The following TMOD2 variants were observed in gnomAD, a reference collection of about 807,000 sequenced individuals.
TMOD2 encodes the protein tropomodulin 2, also known as tropomodulin-2.
A neutral mutation model predicts 39.9 loss-of-function variants in TMOD2; 22 were observed. The observed-to-expected ratio is 0.55, with a 90% CI of 0.39 to 0.79. The LOEUF (loss-of-function observed/expected upper bound fraction) is 0.79, where lower values mean the gene tolerates loss of function less well. Among genes scored for constraint, TMOD2 ranks in the 30% least tolerant of loss-of-function variants. TMOD2 has a pLI of 0.00. For synonymous variants in TMOD2, 123 were observed against 146.1 expected (o/e 0.84, Z 1.14); for missense variants, 386 against 413.3 (o/e 0.93, Z 0.57).
intron 3 of TMOD2, among the ~76,000 whole-genome samples, chr15:51,768,941 T>C (rs549167606): frequency 2.6e-5 from 4 of 152,342 alleles, no homozygotes; most frequent in South Asian, 2.1e-4. Context: ...TCATTCTACA[T>C]TGGGCCAAAC....
intron 1 of TMOD2, among the ~76,000 whole-genome samples, chr15:51,765,695 AG>A (rs1275229772): frequency 6.6e-6 from 1 of 152,342 alleles, no homozygotes; most frequent in Non-Finnish European, 1.5e-5. Flanking sequence ...GAACGGTCTG[AG>A]GGTATAAAGA....
At chr15:51,772,306 G>C (rs2055858985) in intron 3 of TMOD2, among the ~76,000 whole-genome samples, 1 of 152,140 alleles carries the variant, frequency 6.6e-6, no homozygotes, top group South Asian at 2.1e-4. Flanking sequence ...AGTCAGAGCA[G>C]CTTCAAAAAA....
intron 5 of TMOD2, among the ~76,000 whole-genome samples, chr15:51,778,148 T>C (rs2141624469): frequency 6.6e-6 from 1 of 151,838 alleles, no homozygotes; most frequent in South Asian, 2.1e-4. Context: ...CATGGAATAC[T>C]ATGCAGCCAT....
intron 8 of TMOD2, among the ~76,000 whole-genome samples, chr15:51,802,621 C>T (rs1443193699): frequency 2.6e-5 from 4 of 152,186 alleles, no homozygotes; most frequent in Non-Finnish European, 5.9e-5. Flanking sequence ...CTCAAATGCT[C>T]CAGGGGCACA....
intron 3 of TMOD2, among the ~76,000 whole-genome samples, chr15:51,771,330 A>G (rs1211945135): frequency 6.6e-6 from 1 of 152,232 alleles, no homozygotes; most frequent in East Asian, 1.9e-4. Flanking sequence ...AGGCTGCACA[A>G]CCACAGTTCT....
intron 4 of TMOD2, 88 bp downstream of exon 4, chr15:51,773,922 T>G (rs1265609567): frequency 3.6e-5 from 52 of 1,431,940 alleles, no homozygotes; most frequent in Non-Finnish European, 4.9e-5. Context: ...TTTGAGCTTC[T>G]CTTAGGTAGG....
chr15:51,768,370 GAAC>G lies in TMOD2; in HGVS notation c.237_239del (p.Gln80del). 1 of 1,614,072 alleles carries G rather than the reference GAAC, an allele frequency of 6.2e-7. No homozygotes were observed. The highest frequency in any genetic ancestry group is 8.5e-7 in the Non-Finnish European group (1 of 1,180,030). ...CATGTACCTGGAGAAGGAGGCTTTGGAACAGAAAGACAGAGAGGACTTTGTGCC... is the reference window on the plus strand; with the variant it reads ...CATGTACCTGGAGAAGGAGGCTTTGGAGAAAGACAGAGAGGACTTTGTGCC... On this transcript the variant is annotated inframe_deletion, in exon 3 of 10. Transcript: ENST00000249700.
Position 51,781,983 on chromosome 15 carries a change from A to T in TMOD2, c.625-738A>T, listed in dbSNP as rs141917594. 4.6e-5 allele frequency among the ~76,000 whole-genome samples: 7 copies of T among 152,292 alleles called. No homozygotes were observed. In the East Asian group the frequency reaches 1.2e-3, roughly 25 times the overall value. On this transcript the variant is annotated intron_variant, in intron 6 of 9. Transcript: ENST00000249700. ...GAATTTATTATCTCATTTAATTATT[A>T]GTTGGACTTAAAGAGTTGTTAACGT...
At chr15:51,797,108 C>A (rs1312520959) in intron 7 of TMOD2, among the ~76,000 whole-genome samples, 2 of 152,186 alleles carry the variant, frequency 1.3e-5, no homozygotes, top group African/African-American at 2.4e-5. Context: ...TAACGTTTTC[C>A]CACTGAGGTT....
chr15:51,773,491 C>G (rs2055867034), intron 3 of TMOD2, among the ~76,000 whole-genome samples: 1 of 152,194 alleles, frequency 6.6e-6, no homozygotes, highest in African/African-American at 2.4e-5. Context: ...AGTCTCAGAT[C>G]TCTGTGTGGC....
intron 1 of TMOD2, among the ~76,000 whole-genome samples, chr15:51,761,050 A>T (rs1001148620): frequency 6.6e-6 from 1 of 152,138 alleles, no homozygotes; most frequent in African/African-American, 2.4e-5. Flanking sequence ...GATTGTCTGG[A>T]TTTCATTCTG....
At position 51,764,987 on chromosome 15, in the gene TMOD2, G is replaced by A. The variant is rs1432461737; in HGVS notation, c.-69-1386G>A. ...AGTCTCACTAAGCTGTGATCTTGGG[G>A]AGAGGGGGCATTTTGATAAATATAA... On this transcript the variant is annotated intron_variant, in intron 1 of 9. Transcript: ENST00000249700. Among the ~76,000 whole-genome samples, 7 of 151,992 alleles carry A rather than the reference G, an allele frequency of 4.6e-5. No homozygotes were observed. The East Asian group carries it at 1.3e-3, about 29-fold the overall frequency.
At chr15:51,775,570 CTTTTTTTTTT>C (rs869308022) in intron 4 of TMOD2, among the ~76,000 whole-genome samples, 3 of 81,210 alleles carry the variant, frequency 3.7e-5, no homozygotes, top group East Asian at 4.0e-4. Flanking sequence ...ATTCTTTTTC[CTTTTTTTTTT>C]TTTTTTTTTT....
chr15:51,785,062 T>G (rs2055958555), intron 7 of TMOD2: 1 of 152,188 alleles, frequency 6.6e-6, no homozygotes, highest in Non-Finnish European at 1.5e-5. Flanking sequence ...AGGAGCTGGA[T>G]TTTTTGGGTA....
Position 51,798,296 on chromosome 15 carries a change from C to G in TMOD2, c.832C>G (p.Leu278Val). The G allele has an allele frequency of 6.2e-7, 1 of 1,613,726 alleles. No individual in the cohort carries two copies. Among genetic ancestry groups the G allele is most frequent in the Non-Finnish European group, 8.5e-7 (1 of 1,179,904 alleles). The change falls in exon 8 of 10, where the codon CTG becomes GTG. Residue 278 changes from leucine to valine, a missense_variant. By Grantham distance (32) the Leu-to-Val change is conservative (BLOSUM62 1). Coordinates refer to ENST00000249700, the MANE Select transcript of TMOD2 (RefSeq NM_014548.4). The part of the protein sequence containing the change: ...GTGILALVEA[L>V]KENDTLTEIK... ...TGGGATCCTGGCCCTGGTAGAGGCA[C>G]TGAAAGAAAATGACACCTTGACAGA...
At chr15:51,756,129 C>T (rs7175017) in intron 1 of TMOD2, among the ~76,000 whole-genome samples, 61,511 of 151,958 alleles carry the variant, frequency 0.4, 12,601 homozygotes, top group Middle Eastern at 0.45. Context: ...AAATAGGACC[C>T]GCCATGAGAA....
At chr15:51,799,987 G>A (rs905269890) in intron 8 of TMOD2, among the ~76,000 whole-genome samples, 2 of 152,172 alleles carry the variant, frequency 1.3e-5, no homozygotes, top group African/African-American at 4.8e-5. Context: ...ATACCACCTA[G>A]CTAAGGTTGC....
rs16964517 is a variant in TMOD2, at chr15:51,776,726, A to G, written c.407-206A>G. 9.3e-3 allele frequency among the ~76,000 whole-genome samples: 1,410 copies of G among 152,308 alleles called. 16 individuals are homozygous for G. The highest frequency in any genetic ancestry group is 0.019 in the African/African-American group (774 of 41,562). Reference sequence around the variant, plus strand: ...AATGATTCTACATGTGGAGACGTAGAAAGACAGGAAGATTTCTGGTGGTCT... The same window carrying G: ...AATGATTCTACATGTGGAGACGTAGGAAGACAGGAAGATTTCTGGTGGTCT... On this transcript the variant is annotated intron_variant, in intron 4 of 9. Transcript: ENST00000249700.
intron 7 of TMOD2, among the ~76,000 whole-genome samples, chr15:51,792,213 G>C (rs965751303): frequency 3.3e-5 from 5 of 152,174 alleles, no homozygotes; most frequent in African/African-American, 1.2e-4. Context: ...GATATGAATA[G>C]ACACTTCTCA....
Sources: gnomAD v4.1 joint callset for allele counts (sites outside exome capture counted in the v4.1 genomes callset) on GRCh38, gnomAD v4.1.1 for gene constraint, MANE v1.5 for transcripts, NCBI Gene and HGNC (gene_info 2026-07-23, HGNC 2026-07-21) for gene names.